MEGF10: variants seen among roughly 807,000 people sequenced by gnomAD.
MEGF10 encodes multiple epidermal growth factor-like domains protein 10.
In MEGF10, 86 loss-of-function variants were observed where a neutral mutation model predicts 147.5. That is an observed-to-expected ratio of 0.58 (90% CI 0.49 to 0.70). MEGF10 has a LOEUF of 0.70. Ranked by LOEUF, MEGF10 falls within the 30% of genes least tolerant of loss-of-function variation. MEGF10 has a pLI of 0.00. For synonymous variants in MEGF10, 478 were observed against 525.5 expected, an observed-to-expected ratio of 0.91 and a Z score of 1.24; for missense variants, 1,329 against 1,487.3, an observed-to-expected ratio of 0.89 and a Z score of 1.75.
chr5:127,253,852 T>C, the MEGF10 span, among the ~76,000 whole-genome samples: 1 of 152,120 alleles, frequency 6.6e-6, no homozygotes, highest in Non-Finnish European at 1.5e-5. Flanking sequence ...AAGATGTCAG[T>C]TCTCCTTAAA....
rs4620069 is a variant in MEGF10, at chr5:127,331,302, G to A, written c.-7G>A. Reference sequence around the variant, plus strand: ...TTTCTTTCTTGTAGGTTGTTCTTCAGAAAAAAATGGTTATTTCTTTGAACT... The same window carrying A: ...TTTCTTTCTTGTAGGTTGTTCTTCAAAAAAAAATGGTTATTTCTTTGAACT... On this transcript the variant is annotated 5_prime_UTR_variant, in exon 2 of 25. Coordinates refer to ENST00000503335, the MANE Select transcript of MEGF10 (RefSeq NM_001256545.2). 4 of 1,573,160 alleles carry A rather than the reference G, an allele frequency of 2.5e-6. No homozygotes were observed. In the African/African-American group the frequency reaches 5.4e-5, roughly 21 times the overall value.
chr5:127,339,185 C>G lies in MEGF10; in HGVS notation c.182C>G (p.Thr61Ser). Residue 61 changes from threonine to serine, a missense_variant, in exon 3 of 25, where the codon ACT (threonine) becomes AGT (serine). Transcript: ENST00000503335. Reference protein sequence around the residue: ...PFDQIYYTSCTDILNWFKCTR... With the variant: ...PFDQIYYTSCSDILNWFKCTR... ...GATCAAATTTACTACACGAGCTGCACTGACATTCTAAACTGGTTTAAATGC... is the reference window on the plus strand; with the variant it reads ...GATCAAATTTACTACACGAGCTGCAGTGACATTCTAAACTGGTTTAAATGC... 2 of 1,612,664 alleles carry G rather than the reference C, an allele frequency of 1.2e-6. No homozygotes were observed. Among genetic ancestry groups the G allele is most frequent in the South Asian group, 2.2e-5 (2 of 91,028 alleles).
At position 127,396,721 on chromosome 5, in the gene MEGF10, C is replaced by A; in HGVS notation, c.602C>A (p.Ala201Asp). 6.2e-7 allele frequency: 1 copy of A among 1,614,076 alleles called. No individual in the cohort carries two copies. The highest frequency in any genetic ancestry group is 8.5e-7 in the Non-Finnish European group (1 of 1,180,028). The change falls in exon 6 of 25, where the codon GCC becomes GAC. Residue 201 changes from alanine (A) to aspartate (D), a missense_variant. Ala to Asp is a moderately radical substitution (Grantham distance 126, BLOSUM62 -2). Coordinates refer to ENST00000503335, the MANE Select transcript of MEGF10 (RefSeq NM_001256545.2). ...CAGAGATGCCAGTGCCAGAATGGAG[C>A]CACCTGCGACCACGTCACGGGGGAA... is the stretch of plus-strand genomic sequence containing the variant. ...CHQRCQCQNG[A>D]TCDHVTGECR...
rs1580874063 is a variant in MEGF10, at chr5:127,440,829, C to T, written c.2324C>T (p.Thr775Ile). 2 of 1,614,158 alleles carry T rather than the reference C, an allele frequency of 1.2e-6. No individual in the cohort carries two copies. Among genetic ancestry groups the T allele is most frequent in the East Asian group, 2.2e-5 (1 of 44,880 alleles). The change falls in exon 18 of 25, where the codon ACT becomes ATT. Residue 775 changes from threonine to isoleucine, a missense_variant. Physicochemically the swap from Thr to Ile is moderately conservative, Grantham distance 89 (BLOSUM62 -1). Coordinates refer to ENST00000503335, the MANE Select transcript of MEGF10 (RefSeq NM_001256545.2). ...ADCDHISGQC[T>I]CRTGFMGRHC... ...TGCGACCACATTTCTGGGCAGTGTA[C>T]TTGCCGCACTGGATTCATGGGACGG...
rs114199099 is a variant in MEGF10, at chr5:127,316,800, A to G, written c.-18-14491A>G. ...AGAGATGAGCGGTGTGGTGTGTGTT[A>G]CTACTCTGACGAAGAACACATCAGC... is the stretch of plus-strand genomic sequence containing the variant. On this transcript the variant is annotated intron_variant, in intron 1 of 24. Transcript: ENST00000503335. Among the ~76,000 whole-genome samples, 773 of 152,290 alleles carry G rather than the reference A, an allele frequency of 5.1e-3. 11 individuals carry two copies. Among genetic ancestry groups the G allele is most frequent in the African/African-American group, 0.018 (742 of 41,554 alleles).
intron 5 of MEGF10, among the ~76,000 whole-genome samples, chr5:127,381,701 C>T (rs182045216): frequency 7.2e-5 from 11 of 152,194 alleles, no homozygotes; most frequent in African/African-American, 2.2e-4. Context: ...ACAAGAGTCT[C>T]GCTCTGTCAC....
chr5:127,397,885 G>A (rs1279015249), intron 6 of MEGF10, among the ~76,000 whole-genome samples: 1 of 152,160 alleles, frequency 6.6e-6, no homozygotes, highest in Non-Finnish European at 1.5e-5. Context: ...ACCAAAAATG[G>A]ATGATGAGAA....
At chr5:127,371,817 A>G (rs896600466) in intron 5 of MEGF10, among the ~76,000 whole-genome samples, 1 of 152,216 alleles carries the variant, frequency 6.6e-6, no homozygotes, top group African/African-American at 2.4e-5. Flanking sequence ...ATGATATTGA[A>G]GCAACTTTTA....
At chr5:127,251,347 C>T in the MEGF10 span, among the ~76,000 whole-genome samples, 172 of 152,022 alleles carry the variant, frequency 1.1e-3, no homozygotes, top group Non-Finnish European at 2.1e-3. Context: ...AGTAGCTGTG[C>T]GTTCTTGAAG....
Position 127,457,352 on chromosome 5 carries a change from T to C in MEGF10, c.*34T>C. On this transcript the variant is annotated 3_prime_UTR_variant, in exon 25 of 25. Transcript: ENST00000503335. ...GACCGCTTGGTAGCCACTGGAACCC[T>C]TTCCAGAACTGCTGTTTGGTTCTTC... 6.3e-7 allele frequency: 1 copy of C among 1,591,870 alleles called. No homozygotes were observed.
At chr5:127,321,978 C>A (rs1337529469) in intron 1 of MEGF10, among the ~76,000 whole-genome samples, 1 of 151,372 alleles carries the variant, frequency 6.6e-6, no homozygotes, top group African/African-American at 2.4e-5. Flanking sequence ...CTTCTTTTGT[C>A]ATTTATTCTG....
chr5:127,412,065 T>C (rs1764590763), intron 9 of MEGF10, among the ~76,000 whole-genome samples: 1 of 152,240 alleles, frequency 6.6e-6, no homozygotes, highest in Non-Finnish European at 1.5e-5. Context: ...GGAGAATTAG[T>C]TAATTGATGG....
At position 127,422,810 on chromosome 5, in the gene MEGF10, G is replaced by A. The variant is rs188597807; in HGVS notation, c.1693+38G>A. The stretch of plus-strand genomic sequence containing the variant: ...GACCGCTAATTGAAAGGTGAAACCC[G>A]CCAATTTAACACCTAGTGCTGTTCC... On this transcript the variant is annotated intron_variant, in intron 13 of 24. Transcript: ENST00000503335. The A allele has an allele frequency of 9.4e-4, 1,404 of 1,495,886 alleles. 2 individuals carry two copies. Among genetic ancestry groups the A allele is most frequent in the African/African-American group, 4.0e-3 (290 of 72,604 alleles). The allele number at this position is 1,495,886 out of a possible 1,614,324, so 92.7% of individuals were successfully genotyped here.
rs1222438144 is a variant in MEGF10 at position 127,417,657 on chromosome 5, G to A, written c.1150G>A (p.Glu384Lys). The change falls in exon 10 of 25, where the codon GAG becomes AAG. Residue 384 changes from glutamate (E) to lysine (K), a missense_variant. By Grantham distance (56) the Glu-to-Lys change is moderately conservative. This residue lies in a region of MEGF10 where 980 missense variants were observed against 1,085.9 expected (regional missense o/e 0.90). Transcript: ENST00000503335. The stretch of plus-strand genomic sequence containing the variant: ...TCTCAGCTGTCACCCCATGTCTGGA[G>A]AGTGTGCCTGCAAGCCGGGCTGGTC... ...NTHSCHPMSG[E>K]CACKPGWSGL... The A allele has an allele frequency of 1.9e-6, 3 of 1,614,184 alleles. No homozygotes were observed. In the East Asian group the frequency reaches 6.7e-5, roughly 36 times the overall value.
the MEGF10 span, among the ~76,000 whole-genome samples, chr5:127,234,442 C>T: frequency 6.6e-6 from 1 of 152,190 alleles, no homozygotes; most frequent in Non-Finnish European, 1.5e-5. Flanking sequence ...GAATAGACAA[C>T]TAACAGTGAC....
chr5:127,432,657 C>G (rs906657067), intron 13 of MEGF10, among the ~76,000 whole-genome samples: 1 of 152,074 alleles, frequency 6.6e-6, no homozygotes, highest in African/African-American at 2.4e-5. Context: ...ACTTAGCTTT[C>G]CTTTCTGTTT....
At chr5:127,368,272 G>GC (rs1225812417) in intron 4 of MEGF10, among the ~76,000 whole-genome samples, 1 of 152,156 alleles carries the variant, frequency 6.6e-6, no homozygotes, top group Admixed American at 6.6e-5. Flanking sequence ...AGGTTGCTAA[G>GC]CACTTCCTTC....
intron 5 of MEGF10, among the ~76,000 whole-genome samples, chr5:127,390,959 TGA>T (rs1256976187): frequency 6.6e-6 from 1 of 152,188 alleles, no homozygotes; most frequent in Non-Finnish European, 1.5e-5. Context: ...AGGGTCACTA[TGA>T]GAGTTAATCT....
intron 13 of MEGF10, chr5:127,424,644 C>CAG: frequency 9.3e-7 from 1 of 1,070,150 alleles, no homozygotes. Context: ...CCTTGGGAAA[C>CAG]AGGCTAAGGC....
Sources: allele counts gnomAD v4.1 joint callset (sites outside exome capture counted in the v4.1 genomes callset), GRCh38; gene constraint gnomAD v4.1.1; regional missense constraint gnomAD v4.1.1; transcripts MANE v1.5; gene names NCBI Gene and HGNC (gene_info 2026-07-23, HGNC 2026-07-21).